Variants in HYKK observed in about 807,000 individuals in gnomAD.
HYKK encodes the protein hydroxylysine kinase.
Under a neutral mutation model 29.7 loss-of-function variants are expected in HYKK, and 19 were observed. The observed-to-expected ratio is 0.64, with a 90% CI of 0.45 to 0.94. The LOEUF (loss-of-function observed/expected upper bound fraction) is 0.94. Among genes scored for constraint, HYKK ranks in the 40% least tolerant of loss-of-function variants. The pLI is 0.00. For missense variants in HYKK, 390 were observed against 443.4 expected (o/e 0.88, Z 1.08); for synonymous variants, 152 against 158.1 (o/e 0.96, Z 0.29).
chr15:78,517,467 T>G (rs1282699146), intron 3 of HYKK, among the ~76,000 whole-genome samples: 1 of 152,028 alleles, frequency 6.6e-6, no homozygotes, highest in Non-Finnish European at 1.5e-5. Context: ...TAATCCCAGC[T>G]GCTTTGGAGA....
At chr15:78,511,576 A>T (rs2052073236) in intron 1 of HYKK, among the ~76,000 whole-genome samples, 1 of 152,058 alleles carries the variant, frequency 6.6e-6, no homozygotes, top group Non-Finnish European at 1.5e-5. Flanking sequence ...AAAAATACAA[A>T]AAATTAGCCT....
chr15:78,537,365 A>C, downstream of HYKK: 1 of 621,216 alleles, frequency 1.6e-6, no homozygotes, highest in Non-Finnish European at 3.0e-6. Flanking sequence ...TGTAAGAATG[A>C]ACACACCACT....
At position 78,527,572 on chromosome 15, in the gene HYKK, T is replaced by C; in HGVS notation, c.661+9T>C. ...AAGTCATTTTCGAGAATGTGAGTAT[T>C]CTCCCAATTAAGTATTTTTCTTGAT... On this transcript the variant is annotated intron_variant, in intron 4 of 4. Coordinates refer to ENST00000388988, the MANE Select transcript of HYKK (RefSeq NM_001013619.4). The C allele has an allele frequency of 6.2e-7, 1 of 1,612,068 alleles. No individual in the cohort carries two copies. The highest frequency in any genetic ancestry group is 2.2e-5 in the East Asian group (1 of 44,876).
intron 3 of HYKK, among the ~76,000 whole-genome samples, chr15:78,524,492 G>T (rs971694311): frequency 1.3e-5 from 2 of 152,208 alleles, no homozygotes; most frequent in African/African-American, 4.8e-5. Flanking sequence ...GATGGTAGGG[G>T]CTGCCACAAG....
intron 3 of HYKK, among the ~76,000 whole-genome samples, chr15:78,515,862 A>T (rs867881822): frequency 1.3e-5 from 2 of 152,196 alleles, no homozygotes; most frequent in Non-Finnish European, 2.9e-5. Flanking sequence ...TGCTGGGATT[A>T]CAGGCGTGAG....
chr15:78,524,305 C>G (rs1043742001), intron 3 of HYKK, among the ~76,000 whole-genome samples: 2 of 152,246 alleles, frequency 1.3e-5, no homozygotes, highest in African/African-American at 2.4e-5. Flanking sequence ...ACCAAGGCTT[C>G]TAGCTTGCGC....
At chr15:78,526,885 TCA>T (rs1010113806) in intron 3 of HYKK, among the ~76,000 whole-genome samples, 2 of 152,182 alleles carry the variant, frequency 1.3e-5, no homozygotes, top group African/African-American at 2.4e-5. Context: ...GCTCTCTCCC[TCA>T]CAGACTCCCT....
chr15:78,511,382 G>A (rs944672445), intron 1 of HYKK, among the ~76,000 whole-genome samples: 3 of 152,112 alleles, frequency 2.0e-5, no homozygotes, highest in African/African-American at 7.2e-5. Flanking sequence ...GAATTACCAA[G>A]AGAAAGAAAA....
intron 1 of HYKK, 82 bp from the exon 2 acceptor site, chr15:78,513,002 C>G: frequency 1.4e-6 from 1 of 725,772 alleles, no homozygotes; most frequent in South Asian, 1.8e-5. Flanking sequence ...AGAAACATTA[C>G]TGGTCTGTCT....
intron 3 of HYKK, among the ~76,000 whole-genome samples, chr15:78,522,376 A>G (rs984126148): frequency 6.6e-6 from 1 of 152,068 alleles, no homozygotes; most frequent in African/African-American, 2.4e-5. Flanking sequence ...CAACATGGTG[A>G]AACCCTGTCT....
chr15:78,514,882 C>T (rs1228794271), intron 2 of HYKK, 86 bp from the exon 3 acceptor site: 1 of 464,740 alleles, frequency 2.2e-6, no homozygotes, highest in African/African-American at 2.5e-5. Flanking sequence ...TCTGTTATAT[C>T]TAAATACCTC....
Position 78,515,746 on chromosome 15 carries a change from G to A in HYKK, c.477+639G>A, listed in dbSNP as rs1363940246. Among the ~76,000 whole-genome samples, 21 of 151,910 alleles carry A rather than the reference G, an allele frequency of 1.4e-4. 1 individual carries two copies. The highest frequency in any genetic ancestry group is 6.6e-5 in the Admixed American group (1 of 15,264). On this transcript the variant is annotated intron_variant, in intron 3 of 4. Coordinates refer to ENST00000388988, the MANE Select transcript of HYKK (RefSeq NM_001013619.4). ...TGGGACTACAGGTGCCCACCACCAC[G>A]CCCGGCTAATTTTTTGTATTTTTAG... is the stretch of plus-strand genomic sequence containing the variant.
In HYKK at chr15:78,527,492, G is replaced by A. The variant is rs200062286; in HGVS notation, c.590G>A (p.Arg197Gln). The A allele has an allele frequency of 1.7e-4, 267 of 1,614,100 alleles. 1 individual carries two copies. The highest frequency in any genetic ancestry group is 2.1e-4 in the Non-Finnish European group (249 of 1,180,024). ...TATGCCCTGGGCCAGAATCGAAACC[G>A]AGAGATTGTTGAGCATGTCATTCAT... ...YLYALGQNRN[R>Q]EIVEHVIHLF... Residue 197 changes from arginine to glutamine, a missense_variant, in exon 4 of 5, where the codon CGA (arginine) becomes CAA (glutamine). Transcript: ENST00000388988.
At chr15:78,525,050 A>C (rs2052235232) in intron 3 of HYKK, among the ~76,000 whole-genome samples, 1 of 152,222 alleles carries the variant, frequency 6.6e-6, no homozygotes, top group Non-Finnish European at 1.5e-5. Context: ...ACTATTTAGC[A>C]AGAAAATGCT....
In HYKK at chr15:78,533,504, T is replaced by C. The variant is rs760963399; in HGVS notation, c.956T>C (p.Met319Thr). 3 of 1,611,432 alleles carry C rather than the reference T, an allele frequency of 1.9e-6. No homozygotes were observed. Among genetic ancestry groups the C allele is most frequent in the African/African-American group, 2.7e-5 (2 of 74,844 alleles). Reference protein sequence around the residue: ...VCSRFCQSLVMAAYSCQLYPE... With the variant: ...VCSRFCQSLVTAAYSCQLYPE... ...AGTCGTTTTTGTCAGTCACTTGTCA[T>C]GGCTGCATACTCTTGCCAGCTATAC... Residue 319 changes from methionine (M) to threonine (T), a missense_variant, in exon 5 of 5, where the codon ATG becomes ACG. Physicochemically the swap from Met to Thr is moderately conservative, Grantham distance 81. Coordinates refer to ENST00000388988, the MANE Select transcript of HYKK (RefSeq NM_001013619.4).
At chr15:78,525,195 G>A (rs919054075) in intron 3 of HYKK, among the ~76,000 whole-genome samples, 5 of 151,420 alleles carry the variant, frequency 3.3e-5, no homozygotes, top group African/African-American at 9.7e-5. Flanking sequence ...TCGCTCTGTC[G>A]CCCAGGCTGG....
At chr15:78,528,587 G>T in intron 4 of HYKK, 3 of 838,268 alleles carry the variant, frequency 3.6e-6, no homozygotes, top group South Asian at 1.1e-4. Context: ...TGGATCACTT[G>T]AGGTCAGGAG....
chr15:78,514,889 C>G, intron 2 of HYKK, 79 bp from the exon 3 acceptor site: 4 of 206,734 alleles, frequency 1.9e-5, no homozygotes, highest in East Asian at 1.2e-4. Context: ...TATCTAAATA[C>G]CTCTCTCTCT....
chr15:78,513,025 T>C lies in HYKK; in HGVS notation c.-5-59T>C, dbSNP rs532496733. The C allele has an allele frequency of 4.7e-5, 42 of 901,916 alleles. No individual in the cohort carries two copies. In the African/African-American group the frequency reaches 6.4e-4, roughly 14 times the overall value. 55.9% of individuals were successfully genotyped at this position (901,916 alleles called of 1,614,324 possible). ...TACTGGTCTGTCTTGAGAAAAATCA[T>C]TTAAATAAATATATTCATCCTGTGT... On this transcript the variant is annotated intron_variant, in intron 1 of 4. Coordinates refer to ENST00000388988, the MANE Select transcript of HYKK (RefSeq NM_001013619.4).
Sources: gnomAD v4.1 joint callset for allele counts (sites outside exome capture counted in the v4.1 genomes callset) on GRCh38, gnomAD v4.1.1 for gene constraint, MANE v1.5 for transcripts, NCBI Gene and HGNC (gene_info 2026-07-23, HGNC 2026-07-21) for gene names.